The following NAPG variants were observed in gnomAD, a reference collection of about 807,000 sequenced individuals.
The protein encoded by NAPG is NSF attachment protein gamma, also known as gamma-soluble NSF attachment protein.
In NAPG, 25 loss-of-function variants were observed where a neutral mutation model predicts 48.4. The observed-to-expected ratio is 0.52, with a 90% CI of 0.38 to 0.72. NAPG has a LOEUF of 0.72. Among genes scored for constraint, NAPG ranks in the 30% least tolerant of loss-of-function variants. The probability of loss-of-function intolerance (pLI) is 0.00; values close to 1 mark genes in which losing one functional copy is unlikely to be tolerated. For missense variants in NAPG, 359 were observed against 372.5 expected (o/e 0.96, Z 0.30); for synonymous variants, 139 against 127.2 (o/e 1.09, Z -0.62).
chr18:10,543,000 A>G lies in NAPG; in HGVS notation c.506+2601A>G, dbSNP rs921165378. On this transcript the variant is annotated intron_variant, in intron 8 of 11. Transcript: ENST00000322897. The surrounding 1 kb of genome is among the most constrained non-coding windows in gnomAD (Gnocchi z 4.5). ...GAAGTTCAAGATTAGCCTTGGCCAA[A>G]TGGTGAAACTCCTTCTCTACTAAAA... 3.9e-5 allele frequency among the ~76,000 whole-genome samples: 6 copies of G among 152,060 alleles called. No homozygotes were observed. Among genetic ancestry groups the G allele is most frequent in the African/African-American group, 1.4e-4 (6 of 41,430 alleles).
Position 10,551,649 on chromosome 18 carries a change from AG to A in NAPG, c.*1430del, listed in dbSNP as rs1475430721. 1 of 152,148 alleles carries A rather than the reference AG, an allele frequency of 6.6e-6. No individual in the cohort carries two copies. Among genetic ancestry groups the A allele is most frequent in the Non-Finnish European group, 1.5e-5 (1 of 68,028 alleles). 9.4% of individuals were successfully genotyped at this position (152,148 alleles called of 1,614,324 possible). A position where few individuals can be genotyped will look rare whatever the true frequency, so the allele number is the denominator to read the frequency against. ...CATGCCCTGTCTCTGTCTCTTTTAGAGTCATACCTTATTTGAGTATAGGTTG... is the reference window on the plus strand; with the variant it reads ...CATGCCCTGTCTCTGTCTCTTTTAGATCATACCTTATTTGAGTATAGGTTG... On this transcript the variant is annotated 3_prime_UTR_variant, in exon 12 of 12. Transcript: ENST00000322897.
rs558295106 is a variant in NAPG, at chr18:10,544,298, G to A, written c.507-2028G>A. On this transcript the variant is annotated intron_variant, in intron 8 of 11. Transcript: ENST00000322897. This position sits in a 1 kb window ranked among gnomAD's most constrained non-coding sequence, Gnocchi z 5.1. ...TCATGAGGCCAGAAGTCTGGATACA[G>A]TGTAGCTAGGTCCTAGTGTAGCTAG... Among the ~76,000 whole-genome samples the A allele has an allele frequency of 8.0e-4, 122 of 152,334 alleles. 1 individual carries two copies. Among genetic ancestry groups the A allele is most frequent in the Middle Eastern group, 6.8e-3 (2 of 294 alleles).
intron 1 of NAPG, 53 bp downstream of exon 1, chr18:10,526,211 C>T: frequency 1.0e-6 from 1 of 985,808 alleles, no homozygotes; most frequent in Non-Finnish European, 1.5e-6. Context: ...CCGTCTCTCA[C>T]TGGCGCGGCC....
At chr18:10,532,866 A>G in intron 3 of NAPG, 71 bp downstream of exon 3, 1 of 1,293,202 alleles carries the variant, frequency 7.7e-7, no homozygotes, top group Admixed American at 2.4e-5. Flanking sequence ...CTCTTGCTGT[A>G]AATTTACTTT....
intron 5 of NAPG, among the ~76,000 whole-genome samples, chr18:10,537,047 C>T (rs534798157): frequency 7.3e-4 from 111 of 151,814 alleles, no homozygotes; most frequent in African/African-American, 2.3e-3. Context: ...GCCTCAACCT[C>T]CTGGGCTCAG....
rs549985704 is a variant in NAPG, at chr18:10,548,029, A to C, written c.586-270A>C. ...TGTGTCAAAGTGCGGTCCCCAGACC[A>C]GCAGCAGGAGTGCCCCCTGGAATTT... On this transcript the variant is annotated intron_variant, in intron 9 of 11. Transcript: ENST00000322897. The surrounding 1 kb of genome is among the most constrained non-coding windows in gnomAD (Gnocchi z 4.4). 4.6e-5 allele frequency among the ~76,000 whole-genome samples: 7 copies of C among 152,328 alleles called. No individual in the cohort carries two copies. In the East Asian group the frequency reaches 1.3e-3, roughly 29 times the overall value.
intron 8 of NAPG, among the ~76,000 whole-genome samples, chr18:10,541,721 C>G (rs749031444): frequency 6.6e-6 from 1 of 152,172 alleles, no homozygotes; most frequent in Non-Finnish European, 1.5e-5. Context: ...GCGCTAAGCC[C>G]CTTACTATAA....
chr18:10,530,126 T>A (rs2031897714), intron 1 of NAPG, among the ~76,000 whole-genome samples: 1 of 151,940 alleles, frequency 6.6e-6, no homozygotes, highest in Admixed American at 6.6e-5. Context: ...CAGTTTCTCT[T>A]GGCTTTTGTA....
Position 10,539,969 on chromosome 18 carries a change from G to A in NAPG, c.369-19G>A. On this transcript the variant is annotated intron_variant, in intron 6 of 11. Transcript: ENST00000322897. The surrounding 1 kb of genome is among the most constrained non-coding windows in gnomAD (Gnocchi z 4.7). ...GTTTTCCATTTCTCATATAAGACAT[G>A]TTTTCTTGTCTGATTCAGGCTTATA... is the stretch of plus-strand genomic sequence containing the variant. 6.2e-7 allele frequency: 1 copy of A among 1,606,504 alleles called. No individual in the cohort carries two copies. Among genetic ancestry groups the A allele is most frequent in the Non-Finnish European group, 8.5e-7 (1 of 1,175,836 alleles).
chr18:10,540,218 C>T (rs766599630), intron 7 of NAPG, 111 bp from the exon 8 acceptor site: 93 of 1,073,158 alleles, frequency 8.7e-5, no homozygotes, highest in Non-Finnish European at 1.3e-4. Context: ...TAGCAGCTTT[C>T]GTGTTCCCCC....
chr18:10,531,692 G>T (rs1474986259), intron 2 of NAPG, among the ~76,000 whole-genome samples: 10 of 152,186 alleles, frequency 6.6e-5, no homozygotes, highest in African/African-American at 2.4e-4. Context: ...AACTTTGTAT[G>T]AATTTTGTGG....
chr18:10,548,225 GT>G lies in NAPG; in HGVS notation c.586-70del. 2 of 1,103,718 alleles carry G rather than the reference GT, an allele frequency of 1.8e-6. No homozygotes were observed. The highest frequency in any genetic ancestry group is 2.6e-5 in the South Asian group (2 of 78,060). The allele number at this position is 1,103,718 out of a possible 1,614,324, so 68.4% of individuals were successfully genotyped here. A position where few individuals can be genotyped will look rare whatever the true frequency, so the allele number is the denominator to read the frequency against. ...AGACTCTGAAAGTTAAACTCCAGGT[GT>G]TTTCAATACTGCCAGGTTATTGACT... On this transcript the variant is annotated intron_variant, in intron 9 of 11. Transcript: ENST00000322897. This position sits in a 1 kb window ranked among gnomAD's most constrained non-coding sequence, Gnocchi z 4.4.
rs2032417096 is a variant in NAPG, at chr18:10,552,381, A to G, written c.*2161A>G. The G allele has an allele frequency of 2.0e-5, 3 of 152,206 alleles. No homozygotes were observed. Among genetic ancestry groups the G allele is most frequent in the Non-Finnish European group, 1.5e-5 (1 of 68,032 alleles). 9.4% of individuals were successfully genotyped at this position (152,206 alleles called of 1,614,324 possible). On this transcript the variant is annotated 3_prime_UTR_variant, in exon 12 of 12. Transcript: ENST00000322897. ...CTGTGTGGTAAGGAATATTTGTTTC[A>G]CATTTATACATTTTCTTTTTCCACT... is the stretch of plus-strand genomic sequence containing the variant.
At position 10,534,445 on chromosome 18, in the gene NAPG, G is replaced by T; in HGVS notation, c.228-21G>T. 2 of 1,612,086 alleles carry T rather than the reference G, an allele frequency of 1.2e-6. No individual in the cohort carries two copies. Among genetic ancestry groups the T allele is most frequent in the African/African-American group, 1.3e-5 (1 of 74,988 alleles). ...CTTATTTCGTTAAGATCTCATCAGA[G>T]AAATTATATTCTCTTTGCAGAGCTT... On this transcript the variant is annotated intron_variant, in intron 4 of 11. Transcript: ENST00000322897. This position sits in a 1 kb window ranked among gnomAD's most constrained non-coding sequence, Gnocchi z 5.0.
rs1417694158 is a variant in NAPG, at chr18:10,550,975, T to C, written c.*755T>C. Reference sequence around the variant, plus strand: ...AGCTAATGGGTAATGAATACCTTTTTGTTTGTTTGTTTGTTTGTTTTGTTT... The same window carrying C: ...AGCTAATGGGTAATGAATACCTTTTCGTTTGTTTGTTTGTTTGTTTTGTTT... On this transcript the variant is annotated 3_prime_UTR_variant, in exon 12 of 12. Transcript: ENST00000322897. The C allele has an allele frequency of 3.4e-5, 5 of 148,498 alleles. No homozygotes were observed. The highest frequency in any genetic ancestry group is 1.3e-4 in the Admixed American group (2 of 15,016). 9.2% of individuals were successfully genotyped at this position (148,498 alleles called of 1,614,324 possible).
intron 1 of NAPG, among the ~76,000 whole-genome samples, chr18:10,527,640 A>G (rs520218): frequency 0.56 from 84,599 of 152,088 alleles, 24,810 homozygotes; most frequent in African/African-American, 0.75. Flanking sequence ...TTGTGAGCAG[A>G]GCTTGAAAAA....
intron 5 of NAPG, among the ~76,000 whole-genome samples, chr18:10,537,212 A>G (rs1351895997): frequency 1.3e-5 from 2 of 151,922 alleles, no homozygotes; most frequent in Admixed American, 6.6e-5. Flanking sequence ...TTCTGCCTCA[A>G]CCTCCCAAAG....
chr18:10,548,382 A>C lies in NAPG; in HGVS notation c.665+4A>C. ...GATGTGTCCGGGAGAGCTATAGGTA[A>C]GACGTTGTCTGGGCCCTCTTGACTT... On this transcript the variant is annotated splice_donor_region_variant and intron_variant, in intron 10 of 11. Coordinates refer to ENST00000322897, the MANE Select transcript of NAPG (RefSeq NM_003826.3). The surrounding 1 kb of genome is among the most constrained non-coding windows in gnomAD (Gnocchi z 4.4). 5.6e-6 allele frequency: 9 copies of C among 1,611,900 alleles called. No individual in the cohort carries two copies. Among genetic ancestry groups the C allele is most frequent in the Non-Finnish European group, 7.6e-6 (9 of 1,178,084 alleles).
At chr18:10,540,291 T>G (rs2032125005) in intron 7 of NAPG, 38 bp from the exon 8 acceptor site, 2 of 1,563,958 alleles carry the variant, frequency 1.3e-6, no homozygotes, top group Non-Finnish European at 1.8e-6. Flanking sequence ...ATTTCAACAT[T>G]AAAGCAGCCA....
Sources: gnomAD v4.1 joint callset for allele counts (sites outside exome capture counted in the v4.1 genomes callset) on GRCh38, gnomAD v4.1.1 for gene constraint, Gnocchi (gnomAD v3.1) non-coding constraint, MANE v1.5 for transcripts, NCBI Gene and HGNC (gene_info 2026-07-23, HGNC 2026-07-21) for gene names.